SLC35F4: variants seen among roughly 807,000 people sequenced by gnomAD.
SLC35F4 encodes chromosome 14 open reading frame 36.
In SLC35F4, 24 loss-of-function variants were observed where a neutral mutation model predicts 44.2. That is an observed-to-expected ratio of 0.54 (90% CI 0.39 to 0.76). The LOEUF (loss-of-function observed/expected upper bound fraction) is 0.76. Among genes scored for constraint, SLC35F4 ranks in the 30% least tolerant of loss-of-function variants. The pLI, the probability that SLC35F4 is intolerant of heterozygous loss-of-function variation, is 0.00. For missense variants in SLC35F4, 562 were observed against 586.1 expected (o/e 0.96, Z 0.42); for synonymous variants, 238 against 223.6 (o/e 1.06, Z -0.57).
At chr14:57,916,820 A>T (rs1889338756) in intron 1 of SLC35F4, among the ~76,000 whole-genome samples, 1 of 152,194 alleles carries the variant, frequency 6.6e-6, no homozygotes, top group South Asian at 2.1e-4. Flanking sequence ...ATCTAAAATA[A>T]AAGTTGAAAT....
rs189886994 is a variant in SLC35F4, at chr14:57,767,299, T to C, written c.103+98424A>G. Among the ~76,000 whole-genome samples the C allele has an allele frequency of 3.3e-4, 50 of 152,308 alleles. No homozygotes were observed. The East Asian group carries it at 6.2e-3, about 19-fold the overall frequency. Reference sequence around the variant, plus strand: ...GCAGATTTCAGTTCTTTAAATTTGTTACATGGTCCTATATTCTGGCCATAA... The same window carrying C: ...GCAGATTTCAGTTCTTTAAATTTGTCACATGGTCCTATATTCTGGCCATAA... On this transcript the variant is annotated intron_variant, in intron 1 of 7. Transcript: ENST00000556826.
chr14:57,915,013 C>A (rs957389464), intron 1 of SLC35F4, among the ~76,000 whole-genome samples: 2 of 152,194 alleles, frequency 1.3e-5, no homozygotes, highest in Non-Finnish European at 2.9e-5. Context: ...GTGGAGGAAA[C>A]CATGCCCCCA....
At chr14:57,673,132 T>A (rs185274086) in intron 1 of SLC35F4, among the ~76,000 whole-genome samples, 190 of 152,248 alleles carry the variant, frequency 1.2e-3, no homozygotes, top group African/African-American at 4.1e-3. Context: ...AGATTATAAA[T>A]CATATTTCAA....
At chr14:57,576,150 C>A (rs1243997123) in intron 4 of SLC35F4, among the ~76,000 whole-genome samples, 1 of 152,154 alleles carries the variant, frequency 6.6e-6, no homozygotes, top group Non-Finnish European at 1.5e-5. Flanking sequence ...ATAACAGTAC[C>A]AGCTCTTTTA....
chr14:57,779,826 C>CA (rs1225669011), intron 1 of SLC35F4, among the ~76,000 whole-genome samples: 1 of 152,086 alleles, frequency 6.6e-6, no homozygotes, highest in Non-Finnish European at 1.5e-5. Flanking sequence ...GAACTAAAGA[C>CA]AAAAACCACA....
chr14:57,734,295 A>C (rs2076415083), intron 1 of SLC35F4, among the ~76,000 whole-genome samples: 1 of 152,150 alleles, frequency 6.6e-6, no homozygotes, highest in South Asian at 2.1e-4. Flanking sequence ...TAGGGTTACT[A>C]TTAGGATCCA....
intron 1 of SLC35F4, among the ~76,000 whole-genome samples, chr14:57,842,879 C>T (rs560496874): frequency 6.6e-6 from 1 of 152,260 alleles, no homozygotes; most frequent in East Asian, 1.9e-4. Context: ...CTGGTGGGCA[C>T]CACCTAATCA....
intron 1 of SLC35F4, among the ~76,000 whole-genome samples, chr14:57,783,384 C>T (rs984484222): frequency 2.0e-5 from 3 of 151,406 alleles, no homozygotes; most frequent in African/African-American, 7.3e-5. Flanking sequence ...ATGCAGACAA[C>T]AGTCTCCTAT....
intron 1 of SLC35F4, among the ~76,000 whole-genome samples, chr14:57,911,634 T>C (rs559785256): frequency 6.3e-4 from 96 of 152,132 alleles, no homozygotes; most frequent in East Asian, 6.2e-3. Flanking sequence ...CTGGGATAAA[T>C]CCCACATCGT....
At chr14:57,801,182 T>C (rs1413452949) in intron 1 of SLC35F4, among the ~76,000 whole-genome samples, 2 of 152,142 alleles carry the variant, frequency 1.3e-5, no homozygotes, top group Admixed American at 6.5e-5. Flanking sequence ...GCCAAAACTC[T>C]ACAAGCCAGA....
At chr14:57,925,527 G>A (rs2474017) in intron 1 of SLC35F4, among the ~76,000 whole-genome samples, 20,731 of 96,086 alleles carry the variant, frequency 0.22, 2,689 homozygotes, top group East Asian at 0.46. Flanking sequence ...GGGAGGGAGG[G>A]AGGGAGGGAG....
chr14:57,971,969 T>C (rs1035211021), downstream of SLC35F4, among the ~76,000 whole-genome samples: 1 of 152,066 alleles, frequency 6.6e-6, no homozygotes, highest in African/African-American at 2.4e-5. Context: ...TTTAACTCAG[T>C]TGGTTAGGGA....
intron 1 of SLC35F4, among the ~76,000 whole-genome samples, chr14:57,767,704 T>G (rs1217563655): frequency 6.6e-6 from 1 of 151,366 alleles, no homozygotes; most frequent in Non-Finnish European, 1.5e-5. Flanking sequence ...AATAGGTAAA[T>G]AATAAGAATC....
chr14:57,669,850 G>A (rs867298358), intron 1 of SLC35F4, among the ~76,000 whole-genome samples: 1 of 152,108 alleles, frequency 6.6e-6, no homozygotes, highest in Non-Finnish European at 1.5e-5. Flanking sequence ...CTCATAAAAT[G>A]AGTTAGGGAG....
intron 1 of SLC35F4, among the ~76,000 whole-genome samples, chr14:57,914,884 C>A: frequency 6.6e-6 from 1 of 152,068 alleles, no homozygotes; most frequent in East Asian, 1.9e-4. Context: ...CTCGGGGCAG[C>A]CCTACTCCCA....
intron 1 of SLC35F4, among the ~76,000 whole-genome samples, chr14:57,800,135 G>C (rs943898082): frequency 1.3e-5 from 2 of 152,150 alleles, no homozygotes; most frequent in Admixed American, 1.3e-4. Context: ...ACCTCACTGG[G>C]ACAGAGCTTC....
chr14:57,713,745 T>C (rs899664991), intron 1 of SLC35F4, among the ~76,000 whole-genome samples: 3 of 152,194 alleles, frequency 2.0e-5, no homozygotes, highest in Non-Finnish European at 2.9e-5. Context: ...GCTCAATGAA[T>C]GGACGGAGGG....
Position 57,663,028 on chromosome 14 carries a change from C to T in SLC35F4, c.104-68904G>A, listed in dbSNP as rs148328485. Reference sequence around the variant, plus strand: ...TGCTTTTTCCTGTAAATCACTTTTTCCCTGATTGCTTCATGTCTAAGAGTG... The same window carrying T: ...TGCTTTTTCCTGTAAATCACTTTTTTCCTGATTGCTTCATGTCTAAGAGTG... On this transcript the variant is annotated intron_variant, in intron 1 of 7. Transcript: ENST00000556826. Among the ~76,000 whole-genome samples the T allele has an allele frequency of 7.4e-3, 1,127 of 152,260 alleles. 5 individuals carry two copies. The highest frequency in any genetic ancestry group is 1.0e-2 in the Non-Finnish European group (677 of 68,018).
intron 1 of SLC35F4, among the ~76,000 whole-genome samples, chr14:57,796,684 C>T (rs1187099820): frequency 6.6e-6 from 1 of 152,168 alleles, no homozygotes; most frequent in East Asian, 1.9e-4. Context: ...TAGTGTCATT[C>T]TAAAGTACTA....
Sources: allele counts gnomAD v4.1 joint callset (sites outside exome capture counted in the v4.1 genomes callset), GRCh38; gene constraint gnomAD v4.1.1; transcripts MANE v1.5; gene names NCBI Gene and HGNC (gene_info 2026-07-23, HGNC 2026-07-21).